Variants in SGCZ observed in about 807,000 individuals in gnomAD.
SGCZ encodes the protein sarcoglycan zeta.
Under a neutral mutation model 41.3 loss-of-function variants are expected in SGCZ, and 40 were observed. That is an observed-to-expected ratio of 0.97 (90% CI 0.75 to 1.26). The LOEUF (loss-of-function observed/expected upper bound fraction) is 1.26. Ranked by LOEUF, SGCZ falls within the 50% of genes most tolerant of loss-of-function variation. SGCZ has a pLI of 0.00. For missense variants in SGCZ, 552 were observed against 369.8 expected (o/e 1.49, Z -4.04); for synonymous variants, 206 against 137.5 (o/e 1.50, Z -3.49).
At chr8:15,227,277 T>C (rs1448238771) in intron 1 of SGCZ, among the ~76,000 whole-genome samples, 1 of 152,196 alleles carries the variant, frequency 6.6e-6, no homozygotes, top group Admixed American at 6.5e-5. Context: ...TTTGTGTTTT[T>C]CTCGTGGCAT....
Position 14,087,373 on chromosome 8 carries a change from T to C in SGCZ, c.*3070A>G, listed in dbSNP as rs1436482538. On this transcript the variant is annotated 3_prime_UTR_variant, in exon 8 of 8. Transcript: ENST00000382080. ...AGAATAATGTGTCCTCTTTGCATCT[T>C]TCCTTTTGTGATCCCCCAAACCTGA... 6.6e-6 allele frequency among the ~76,000 whole-genome samples: 1 copy of C among 151,600 alleles called. No homozygotes were observed. The highest frequency in any genetic ancestry group is 2.4e-5 in the African/African-American group (1 of 41,370).
At chr8:14,657,095 T>C (rs1807601723) in intron 1 of SGCZ, among the ~76,000 whole-genome samples, 1 of 152,104 alleles carries the variant, frequency 6.6e-6, no homozygotes, top group African/African-American at 2.4e-5. Flanking sequence ...ACTTTTTAAA[T>C]TAATGAGGTT....
At chr8:14,956,100 C>T (rs74904993) in intron 1 of SGCZ, among the ~76,000 whole-genome samples, 5,484 of 140,076 alleles carry the variant, frequency 0.039, 338 homozygotes, top group African/African-American at 0.14. Context: ...AGGGCAATGG[C>T]GCGATCTCTG....
intron 1 of SGCZ, among the ~76,000 whole-genome samples, chr8:14,858,648 G>T (rs903421185): frequency 2.6e-5 from 4 of 152,136 alleles, no homozygotes; most frequent in East Asian, 3.9e-4. Context: ...CCTTTCCTAC[G>T]TGGTTGCATT....
chr8:14,952,001 A>G (rs1272228781), intron 1 of SGCZ, among the ~76,000 whole-genome samples: 1 of 152,152 alleles, frequency 6.6e-6, no homozygotes, highest in Non-Finnish European at 1.5e-5. Flanking sequence ...TTCAACTAAC[A>G]TAATTCAATT....
chr8:14,660,358 G>C (rs991054341), intron 1 of SGCZ, among the ~76,000 whole-genome samples: 2 of 152,014 alleles, frequency 1.3e-5, no homozygotes, highest in African/African-American at 2.4e-5. Flanking sequence ...GATCGCCTGA[G>C]GTCAAGAGTT....
chr8:14,883,834 G>A (rs1372607259), intron 1 of SGCZ, among the ~76,000 whole-genome samples: 3 of 84,438 alleles, frequency 3.6e-5, no homozygotes, highest in Admixed American at 2.8e-4. Flanking sequence ...TGTTGTTGTT[G>A]TTGTTTGTTT....
At chr8:14,640,842 G>A (rs949263049) in intron 1 of SGCZ, among the ~76,000 whole-genome samples, 15 of 151,598 alleles carry the variant, frequency 9.9e-5, no homozygotes, top group African/African-American at 3.6e-4. Flanking sequence ...TGCAAGTTCT[G>A]AATACTCTGG....
At chr8:14,550,221 T>G (rs767438068) in intron 2 of SGCZ, among the ~76,000 whole-genome samples, 42 of 151,866 alleles carry the variant, frequency 2.8e-4, no homozygotes, top group Non-Finnish European at 4.4e-4. Flanking sequence ...AGTAAATAAA[T>G]GAATTACAGC....
chr8:14,588,747 C>G (rs1193814427), intron 1 of SGCZ, among the ~76,000 whole-genome samples: 2 of 152,016 alleles, frequency 1.3e-5, no homozygotes, highest in Non-Finnish European at 2.9e-5. Flanking sequence ...GAAATGTAGT[C>G]TGTGTAGTCT....
At chr8:14,245,917 G>C (rs976898441) in intron 3 of SGCZ, among the ~76,000 whole-genome samples, 3 of 152,182 alleles carry the variant, frequency 2.0e-5, no homozygotes, top group African/African-American at 7.2e-5. Flanking sequence ...ACACCAGTTA[G>C]AATGGCAATC....
intron 1 of SGCZ, among the ~76,000 whole-genome samples, chr8:15,088,257 T>A (rs1337172532): frequency 6.6e-6 from 1 of 152,196 alleles, no homozygotes; most frequent in African/African-American, 2.4e-5. Context: ...GCGTTAAAAC[T>A]GAGATTCAAG....
chr8:14,571,621 C>A (rs1235948358), intron 1 of SGCZ, among the ~76,000 whole-genome samples: 1 of 152,070 alleles, frequency 6.6e-6, no homozygotes, highest in African/African-American at 2.4e-5. Context: ...AATGCATTTT[C>A]TCCAGAGGCT....
chr8:14,280,738 G>C (rs1409540374), intron 3 of SGCZ, among the ~76,000 whole-genome samples: 2 of 151,072 alleles, frequency 1.3e-5, no homozygotes, highest in South Asian at 2.1e-4. Flanking sequence ...AAACGAGGAA[G>C]TTATGTTCTT....
chr8:14,339,340 C>G (rs1272127833), intron 2 of SGCZ, among the ~76,000 whole-genome samples: 1 of 152,158 alleles, frequency 6.6e-6, no homozygotes, highest in Non-Finnish European at 1.5e-5. Context: ...AAACCAAGTT[C>G]TGAAAACAAT....
intron 7 of SGCZ, among the ~76,000 whole-genome samples, chr8:14,095,238 C>G (rs1452123038): frequency 6.6e-6 from 1 of 152,092 alleles, no homozygotes; most frequent in Non-Finnish European, 1.5e-5. Context: ...AAGTTTTCTT[C>G]TAGGGTTTTA....
intron 1 of SGCZ, among the ~76,000 whole-genome samples, chr8:14,630,075 T>C (rs1035844490): frequency 1.3e-5 from 2 of 152,142 alleles, no homozygotes; most frequent in African/African-American, 4.8e-5. Flanking sequence ...TTGATTTCCA[T>C]GAGGAAGGTT....
intron 5 of SGCZ, among the ~76,000 whole-genome samples, chr8:14,150,749 A>G (rs1803674828): frequency 6.6e-6 from 1 of 152,178 alleles, no homozygotes; most frequent in Non-Finnish European, 1.5e-5. Context: ...ATTGTTTACA[A>G]TAGTCAAGAT....
At chr8:14,424,199 G>T (rs565679265) in intron 2 of SGCZ, among the ~76,000 whole-genome samples, 1 of 152,026 alleles carries the variant, frequency 6.6e-6, no homozygotes, top group Non-Finnish European at 1.5e-5. Context: ...TAAGGAGGGC[G>T]GGATAAAAAC....
Sources: gnomAD v4.1 joint callset for allele counts (sites outside exome capture counted in the v4.1 genomes callset) on GRCh38, gnomAD v4.1.1 for gene constraint, MANE v1.5 for transcripts, NCBI Gene and HGNC (gene_info 2026-07-23, HGNC 2026-07-21) for gene names.